Variants in TNIK observed in about 807,000 individuals in gnomAD.
The protein encoded by TNIK is TRAF2 and NCK-interacting protein kinase.
A neutral mutation model predicts 191.3 loss-of-function variants in TNIK; 49 were observed. That is an observed-to-expected ratio of 0.26 (90% confidence interval 0.20 to 0.32). TNIK has a LOEUF of 0.32. TNIK is among the 10% of genes least tolerant of loss of function. The pLI, the probability that TNIK is intolerant of heterozygous loss-of-function variation, is 1.00. For missense variants in TNIK, 1,155 were observed against 1,702.3 expected (o/e 0.68, Z 5.66); for synonymous variants, 594 against 600.9 (o/e 0.99, Z 0.17).
intron 11 of TNIK, among the ~76,000 whole-genome samples, chr3:171,160,580 T>C (rs1733861966): frequency 6.6e-6 from 1 of 151,828 alleles, no homozygotes; most frequent in Non-Finnish European, 1.5e-5. Context: ...ACAAGCTGAA[T>C]TCGCTCACCA....
At chr3:171,446,955 C>G (rs1249616277) in intron 1 of TNIK, among the ~76,000 whole-genome samples, 1 of 152,228 alleles carries the variant, frequency 6.6e-6, no homozygotes, top group East Asian at 1.9e-4. Context: ...CTTTGGGAAG[C>G]TGAGGCGGGC....
chr3:171,217,328 A>C (rs1313740992), intron 3 of TNIK, among the ~76,000 whole-genome samples: 1 of 152,166 alleles, frequency 6.6e-6, no homozygotes, highest in Admixed American at 6.6e-5. Context: ...GTTCTCACTT[A>C]TGAATGGGTG....
In TNIK at chr3:171,077,771, C is replaced by T. The variant is rs1233500975; in HGVS notation, c.3448+1747G>A. ...GTCATGTGAAATAATTCCTCATAATCTCTCTCTCTACATATGTATATACAC... is the reference window on the plus strand; with the variant it reads ...GTCATGTGAAATAATTCCTCATAATTTCTCTCTCTACATATGTATATACAC... On this transcript the variant is annotated intron_variant, in intron 28 of 32. Transcript: ENST00000436636. Among the ~76,000 whole-genome samples the T allele has an allele frequency of 8.7e-5, 13 of 149,746 alleles. No individual in the cohort carries two copies. In the East Asian group the frequency reaches 2.5e-3, roughly 29 times the overall value.
intron 2 of TNIK, among the ~76,000 whole-genome samples, chr3:171,359,780 CT>C (rs1714696911): frequency 1.3e-5 from 2 of 152,166 alleles, no homozygotes; most frequent in African/African-American, 2.4e-5. Flanking sequence ...ATTGGTTATT[CT>C]TTTTATTAAA....
chr3:171,190,511 A>G (rs987915856), intron 6 of TNIK, among the ~76,000 whole-genome samples, 186 bp downstream of exon 6: 8 of 152,250 alleles, frequency 5.3e-5, no homozygotes, highest in African/African-American at 1.4e-4. Flanking sequence ...CACATTATAT[A>G]TAATTCATTC....
At chr3:171,097,806 C>T (rs1442560957) in intron 22 of TNIK, among the ~76,000 whole-genome samples, 2 of 152,074 alleles carry the variant, frequency 1.3e-5, no homozygotes, top group Admixed American at 6.5e-5. Flanking sequence ...TGGCAGAAGC[C>T]AGGTTTCTGA....
chr3:171,427,532 G>A (rs1012221091), intron 1 of TNIK, among the ~76,000 whole-genome samples: 1 of 152,142 alleles, frequency 6.6e-6, no homozygotes, highest in African/African-American at 2.4e-5. Context: ...GCAGTTATAA[G>A]ATTTAAATAC....
intron 2 of TNIK, among the ~76,000 whole-genome samples, chr3:171,275,126 C>T (rs1485376060): frequency 6.6e-6 from 1 of 152,182 alleles, no homozygotes; most frequent in Non-Finnish European, 1.5e-5. Context: ...CCCAACCACA[C>T]ACACACATAC....
chr3:171,213,868 T>C (rs1162077021), intron 3 of TNIK, among the ~76,000 whole-genome samples: 1 of 152,092 alleles, frequency 6.6e-6, no homozygotes, highest in Non-Finnish European at 1.5e-5. Context: ...GATAAAGATA[T>C]TATAAGTCCC....
rs923865333 is a variant in TNIK at position 171,140,483 on chromosome 3, C to G, written c.1248G>C (p.Arg416=). The change falls in exon 13 of 33, where the codon CGG becomes CGC. Residue 416 remains arginine (R), a synonymous_variant. Coordinates refer to ENST00000436636, the MANE Select transcript of TNIK (RefSeq NM_015028.4). ...GGCGCTGCTCCCTCTCCTGCTGCTTCCGCAGCTCCTTCTCTCGCCTTTGTT... is the reference window on the plus strand; with the variant it reads ...GGCGCTGCTCCCTCTCCTGCTGCTTGCGCAGCTCCTTCTCTCGCCTTTGTT... ...EEQQRREKEL[R]KQQEREQRRH... 1 of 1,613,448 alleles carries G rather than the reference C, an allele frequency of 6.2e-7. No homozygotes were observed. The highest frequency in any genetic ancestry group is 8.5e-7 in the Non-Finnish European group (1 of 1,179,780).
intron 2 of TNIK, among the ~76,000 whole-genome samples, chr3:171,233,239 G>C (rs189375451): frequency 2.0e-5 from 3 of 151,874 alleles, no homozygotes; most frequent in African/African-American, 4.8e-5. Flanking sequence ...TTGCAAATGA[G>C]TACTCCACCT....
chr3:171,252,503 G>A (rs1333967427), intron 2 of TNIK, among the ~76,000 whole-genome samples: 2 of 152,182 alleles, frequency 1.3e-5, no homozygotes, highest in East Asian at 3.9e-4. Context: ...TATAGCATTA[G>A]GAAGCTGCCT....
At chr3:171,119,045 A>G (rs1727227065) in intron 18 of TNIK, among the ~76,000 whole-genome samples, 1 of 152,234 alleles carries the variant, frequency 6.6e-6, no homozygotes, top group Non-Finnish European at 1.5e-5. Flanking sequence ...CAATCTACTT[A>G]TCTGACAAAG....
chr3:171,117,555 A>G (rs1454055106), intron 18 of TNIK, among the ~76,000 whole-genome samples: 1 of 152,222 alleles, frequency 6.6e-6, no homozygotes, highest in Non-Finnish European at 1.5e-5. Flanking sequence ...AAATACAGAA[A>G]TAAATAATAA....
intron 3 of TNIK, 108 bp from the exon 4 acceptor site, chr3:171,211,349 C>T (rs1472933474): frequency 2.4e-6 from 3 of 1,268,226 alleles, no homozygotes; most frequent in Middle Eastern, 2.9e-4. Flanking sequence ...TCCTTGTTGA[C>T]AAATGAGCAT....
At chr3:171,348,469 G>A (rs552448741) in intron 2 of TNIK, among the ~76,000 whole-genome samples, 3 of 152,108 alleles carry the variant, frequency 2.0e-5, no homozygotes, top group Admixed American at 2.0e-4. Context: ...ACAGGCCAAC[G>A]AACGTATCCA....
At chr3:171,193,782 T>TG (rs1288428622) in intron 5 of TNIK, among the ~76,000 whole-genome samples, 1 of 152,226 alleles carries the variant, frequency 6.6e-6, no homozygotes, top group African/African-American at 2.4e-5. Flanking sequence ...TTAATAAGAA[T>TG]GCTCAGTAGA....
intron 2 of TNIK, among the ~76,000 whole-genome samples, chr3:171,286,455 T>G (rs1018645127): frequency 6.6e-6 from 1 of 152,138 alleles, no homozygotes; most frequent in Non-Finnish European, 1.5e-5. Context: ...GGCAACATGG[T>G]GAAACGCCAT....
chr3:171,210,970 C>A (rs1740742500), intron 4 of TNIK, 146 bp downstream of exon 4: 1 of 1,028,732 alleles, frequency 9.7e-7, no homozygotes, highest in Non-Finnish European at 1.4e-6. Flanking sequence ...TGGGAGAAAA[C>A]CCTGAAAACA....
Sources: gnomAD v4.1 joint callset for allele counts (sites outside exome capture counted in the v4.1 genomes callset) on GRCh38, gnomAD v4.1.1 for gene constraint, MANE v1.5 for transcripts, NCBI Gene and HGNC (gene_info 2026-07-23, HGNC 2026-07-21) for gene names.